The following CDK5RAP1 variants were observed in gnomAD, a reference collection of about 807,000 sequenced individuals.
The protein encoded by CDK5RAP1 is mitochondrial tRNA methylthiotransferase CDK5RAP1.
CDK5RAP1 carries 62 observed loss-of-function variants against 64.5 expected under a neutral mutation model. The ratio of observed to expected loss-of-function variants is 0.96; its 90% CI spans 0.78 to 1.19. The LOEUF is 1.19. Ranked by LOEUF, CDK5RAP1 falls within the 50% of genes most tolerant of loss-of-function variation. The probability of loss-of-function intolerance (pLI) is 0.00; values close to 1 mark genes in which losing one functional copy is unlikely to be tolerated. For missense variants in CDK5RAP1, 657 were observed against 735.0 expected (o/e 0.89, Z 1.23); for synonymous variants, 250 against 261.9 (o/e 0.95, Z 0.44).
At position 33,359,110 on chromosome 20, in the gene CDK5RAP1, C is replaced by T; in HGVS notation, c.1697G>A (p.Ser566Asn). ...AACATGTCCCCTAAGTGTCTGAGAA[C>T]TGGCTGAGGTGATCTGAAAGAAAAC... ...DYVLVKITSA[S>N]SQTLRGHVLC... Residue 566 changes from serine (S) to asparagine (N), a missense_variant, in exon 14 of 14, where the codon AGT becomes AAT. Physicochemically the swap from Ser to Asn is conservative, Grantham distance 46. Transcript: ENST00000346416. 1 of 1,613,576 alleles carries T rather than the reference C, an allele frequency of 6.2e-7. No individual in the cohort carries two copies.
intron 8 of CDK5RAP1, among the ~76,000 whole-genome samples, chr20:33,378,532 A>G (rs1350099247): frequency 6.6e-6 from 1 of 152,228 alleles, no homozygotes; most frequent in Admixed American, 6.5e-5. Context: ...TGACAGACTT[A>G]TTCAGAGTTG....
chr20:33,371,490 A>G (rs917463960), intron 10 of CDK5RAP1, among the ~76,000 whole-genome samples: 2 of 152,028 alleles, frequency 1.3e-5, no homozygotes, highest in Non-Finnish European at 2.9e-5. Flanking sequence ...TTTGTCCATA[A>G]AAGTTAAAAT....
At chr20:33,382,120 C>A (rs1224609913) in intron 7 of CDK5RAP1, among the ~76,000 whole-genome samples, 1 of 152,082 alleles carries the variant, frequency 6.6e-6, no homozygotes, top group African/African-American at 2.4e-5. Flanking sequence ...GGGATTACAG[C>A]ACCAAAAAAT....
Position 33,385,683 on chromosome 20 carries a change from G to A in CDK5RAP1, c.843C>T (p.Ser281=), listed in dbSNP as rs767873715. The A allele has an allele frequency of 9.9e-6, 16 of 1,613,986 alleles. No homozygotes were observed. The East Asian group carries it at 3.1e-4, about 31-fold the overall frequency. ...AAAGCTTCTTCACTTCCTCTAGAAT[G>A]GAGGCAATAGGCCGACTCCTCTCCC... The part of the protein sequence containing the change: ...RGRERSRPIA[S]ILEEVKKLSE... The change falls in exon 7 of 14, where the codon TCC becomes TCT. Residue 281 remains serine (S), a synonymous_variant. Transcript: ENST00000346416.
chr20:33,360,276 A>C (rs747083560), intron 13 of CDK5RAP1, 75 bp downstream of exon 13: 1 of 1,459,688 alleles, frequency 6.9e-7, no homozygotes, highest in Non-Finnish European at 9.4e-7. Context: ...CTCTAGGAAA[A>C]AACTTTATTA....
chr20:33,367,137 C>A lies in CDK5RAP1; in HGVS notation c.1393-129G>T, dbSNP rs1020923443. On this transcript the variant is annotated intron_variant, in intron 11 of 13. Coordinates refer to ENST00000346416, the MANE Select transcript of CDK5RAP1 (RefSeq NM_016408.4). ...CAGACACATGTACAGAAACCCAAGCCAGAGGCAAGAGGTTTCTCTGGCTCT... is the reference window on the plus strand; with the variant it reads ...CAGACACATGTACAGAAACCCAAGCAAGAGGCAAGAGGTTTCTCTGGCTCT... The A allele has an allele frequency of 2.8e-5, 23 of 820,796 alleles. No homozygotes were observed. The African/African-American group carries it at 3.3e-4, about 12-fold the overall frequency. 50.8% of individuals were successfully genotyped at this position (820,796 alleles called of 1,614,324 possible).
chr20:33,387,394 C>T lies in CDK5RAP1; in HGVS notation c.684G>A (p.Leu228=). Residue 228 remains leucine, a synonymous_variant, in exon 6 of 14, where the codon CTG becomes CTA. Coordinates refer to ENST00000346416, the MANE Select transcript of CDK5RAP1 (RefSeq NM_016408.4). ...AESGQQAANV[L]LSLDETYADV... is the part of the protein sequence containing the mutation. Reference sequence around the variant, plus strand: ...CAGCATAGGTCTCGTCCAGAGAGAGCAGCACGTTGGCAGCTTGCTGGCCCG... The same window carrying T: ...CAGCATAGGTCTCGTCCAGAGAGAGTAGCACGTTGGCAGCTTGCTGGCCCG... 1 of 1,614,162 alleles carries T rather than the reference C, an allele frequency of 6.2e-7. No homozygotes were observed. The highest frequency in any genetic ancestry group is 8.5e-7 in the Non-Finnish European group (1 of 1,180,032).
At position 33,379,497 on chromosome 20, in the gene CDK5RAP1, A is replaced by G. The variant is rs781275294; in HGVS notation, c.1071T>C (p.Arg357=). 1.2e-6 allele frequency: 2 copies of G among 1,613,812 alleles called. No homozygotes were observed. The highest frequency in any genetic ancestry group is 4.5e-5 in the East Asian group (2 of 44,872). ...VSRVDPEMRI[R]FTSPHPKDFP... is the part of the protein sequence containing the mutation. ...AATCCTTGGGGTGGGGAGAGGTAAA[A>G]CGGATCCTCATTTCAGGATCTACTC... Residue 357 remains arginine (R), a synonymous_variant, in exon 8 of 14, where the codon CGT becomes CGC. Coordinates refer to ENST00000346416, the MANE Select transcript of CDK5RAP1 (RefSeq NM_016408.4).
At chr20:33,382,454 G>A (rs896650615) in intron 7 of CDK5RAP1, among the ~76,000 whole-genome samples, 8 of 152,190 alleles carry the variant, frequency 5.3e-5, no homozygotes, top group African/African-American at 1.9e-4. Flanking sequence ...GCCAAGGCGG[G>A]TAGATCACCT....
chr20:33,372,612 T>C lies in CDK5RAP1; in HGVS notation c.1261+30A>G, dbSNP rs547255928. The C allele has an allele frequency of 6.8e-6, 9 of 1,319,984 alleles. No homozygotes were observed. The Admixed American group carries it at 1.0e-4, about 15-fold the overall frequency. 81.8% of individuals were successfully genotyped at this position (1,319,984 alleles called of 1,614,324 possible). ...AAGGCTGGTCACTGGTAGAGTAACA[T>C]GCTCAGCAGAATGAGTTTCTTAAAT... On this transcript the variant is annotated intron_variant, in intron 10 of 13. Coordinates refer to ENST00000346416, the MANE Select transcript of CDK5RAP1 (RefSeq NM_016408.4).
In CDK5RAP1 at chr20:33,396,981, C is replaced by T. The variant is rs148333322; in HGVS notation, c.84G>A (p.Arg28=). ...AGAGACTGCTGTGTGCCCTGCACAT[C>T]CTCAGCGACAGCCAAGACACAGAGG... is the stretch of plus-strand genomic sequence containing the variant. ...PLASVSWLSL[R]MCRAHSSLSS... is the part of the protein sequence containing the mutation. The change falls in exon 2 of 14, where the codon AGG becomes AGA. Residue 28 remains arginine (R), a synonymous_variant. Transcript: ENST00000346416. 6.2e-7 allele frequency: 1 copy of T among 1,614,194 alleles called. No homozygotes were observed. The highest frequency in any genetic ancestry group is 1.3e-5 in the African/African-American group (1 of 75,064).
intron 12 of CDK5RAP1, among the ~76,000 whole-genome samples, chr20:33,363,528 G>A (rs1983322910): frequency 6.6e-6 from 1 of 151,966 alleles, no homozygotes; most frequent in Admixed American, 6.6e-5. Flanking sequence ...GATTCAAGGG[G>A]AAAAAAAGTT....
rs539250721 is a variant in CDK5RAP1 at position 33,376,774 on chromosome 20, C to A, written c.1108-2562G>T. Reference sequence around the variant, plus strand: ...TAGTGACTTTTGTGATGGATCTGGGCAGAGTAAACTGAAAACATTCCGGAA... The same window carrying A: ...TAGTGACTTTTGTGATGGATCTGGGAAGAGTAAACTGAAAACATTCCGGAA... On this transcript the variant is annotated intron_variant, in intron 8 of 13. Transcript: ENST00000346416. Among the ~76,000 whole-genome samples, 37 of 152,152 alleles carry A rather than the reference C, an allele frequency of 2.4e-4. 1 individual carries two copies. The highest frequency in any genetic ancestry group is 4.6e-4 in the Non-Finnish European group (31 of 68,006).
At chr20:33,396,059 C>T (rs1272835655) in intron 2 of CDK5RAP1, among the ~76,000 whole-genome samples, 2 of 152,068 alleles carry the variant, frequency 1.3e-5, no homozygotes, top group Non-Finnish European at 2.9e-5. Context: ...TAGTGTTCAT[C>T]AGCCTGAAGG....
intron 7 of CDK5RAP1, among the ~76,000 whole-genome samples, chr20:33,380,585 G>A (rs1463725607): frequency 6.6e-6 from 1 of 152,184 alleles, no homozygotes; most frequent in Non-Finnish European, 1.5e-5. Context: ...GTGTCCTGAG[G>A]TCTACAAATT....
At chr20:33,397,108 C>T (rs749976282) in intron 1 of CDK5RAP1, 24 bp from the exon 2 acceptor site, 39 of 1,538,414 alleles carry the variant, frequency 2.5e-5, no homozygotes, top group Non-Finnish European at 3.3e-5. Flanking sequence ...ACAGACATCA[C>T]CAGCATTTAT....
In CDK5RAP1 at chr20:33,385,231, C is replaced by T. The variant is rs530355718; in HGVS notation, c.876+419G>A. Reference sequence around the variant, plus strand: ...ATGAACAATAAATCTGGGAGTTTTTCCTGGAAGAGACAAATTCATAATTTC... The same window carrying T: ...ATGAACAATAAATCTGGGAGTTTTTTCTGGAAGAGACAAATTCATAATTTC... On this transcript the variant is annotated intron_variant, in intron 7 of 13. Transcript: ENST00000346416. Among the ~76,000 whole-genome samples the T allele has an allele frequency of 1.4e-3, 208 of 152,148 alleles. 1 individual carries two copies. Among genetic ancestry groups the T allele is most frequent in the Non-Finnish European group, 1.9e-3 (132 of 68,022 alleles).
At position 33,374,186 on chromosome 20, in the gene CDK5RAP1, A is replaced by C. The variant is rs374920102; in HGVS notation, c.1134T>G (p.Asp378Glu). Residue 378 changes from aspartate (D) to glutamate (E), a missense_variant, in exon 9 of 14, where the codon GAT becomes GAG. By Grantham distance (45) the Asp-to-Glu change is conservative (BLOSUM62 2). Transcript: ENST00000346416. The part of the protein sequence containing the change: ...DEVLQLIHER[D>E]NICKQIHLPA... Reference sequence around the variant, plus strand: ...GCAGGTGGATCTGTTTACAGATGTTATCTCTCTCATGAATCAGCTGCAGAA... The same window carrying C: ...GCAGGTGGATCTGTTTACAGATGTTCTCTCTCTCATGAATCAGCTGCAGAA... The C allele has an allele frequency of 5.2e-5, 84 of 1,612,932 alleles. 1 individual carries two copies. In the South Asian group the frequency reaches 6.8e-4, roughly 13 times the overall value.
At position 33,359,384 on chromosome 20, in the gene CDK5RAP1, T is replaced by C. The variant is rs963813226; in HGVS notation, c.1684-261A>G. On this transcript the variant is annotated intron_variant, in intron 13 of 13. Transcript: ENST00000346416. ...TCTTGGAAGATGGCTCCTCCTCAGCTCTAACCATAAAATTCAGGTGAAACT... is the reference window on the plus strand; with the variant it reads ...TCTTGGAAGATGGCTCCTCCTCAGCCCTAACCATAAAATTCAGGTGAAACT... 7.2e-6 allele frequency: 3 copies of C among 414,122 alleles called. No individual in the cohort carries two copies. In the South Asian group the frequency reaches 1.0e-4, roughly 14 times the overall value. 25.7% of individuals were successfully genotyped at this position (414,122 alleles called of 1,614,324 possible).
Sources: allele counts gnomAD v4.1 joint callset (sites outside exome capture counted in the v4.1 genomes callset), GRCh38; gene constraint gnomAD v4.1.1; transcripts MANE v1.5; gene names NCBI Gene and HGNC (gene_info 2026-07-23, HGNC 2026-07-21).